ATP7A: variants seen among roughly 807,000 people sequenced by gnomAD.
ATP7A encodes the protein copper-transporting ATPase 1.
Under a neutral mutation model 83.5 loss-of-function variants are expected in ATP7A, and 7 were observed. The observed-to-expected ratio is 0.08, with a 90% confidence interval of 0.05 to 0.16. The LOEUF (loss-of-function observed/expected upper bound fraction) is 0.16. ATP7A is among the 10% of genes least tolerant of loss of function. The pLI is 1.00. For synonymous variants in ATP7A, 354 were observed against 395.2 expected (o/e 0.90, Z 1.24); for missense variants, 940 against 1,120.8 (o/e 0.84, Z 2.30).
chrX:78,004,839 C>T (rs940891146), intron 6 of ATP7A, among the ~76,000 whole-genome samples: 25 of 111,261 alleles, frequency 2.2e-4, no homozygotes, highest in Non-Finnish European at 1.5e-4. Flanking sequence ...GCCAAGACTG[C>T]GCCACTGCAC....
intron 1 of ATP7A, among the ~76,000 whole-genome samples, chrX:77,940,377 T>C (rs782806338): frequency 2.7e-5 from 3 of 111,400 alleles, no homozygotes; most frequent in African/African-American, 9.8e-5. Flanking sequence ...GTGGTAGCTT[T>C]TCAGGTAGAT....
At chrX:77,967,671 G>A (rs2077517272) in intron 1 of ATP7A, among the ~76,000 whole-genome samples, 1 of 111,695 alleles carries the variant, frequency 9.0e-6, no homozygotes, top group African/African-American at 3.3e-5. Context: ...TGGGTAGATT[G>A]CAAAATGTTT....
At chrX:78,000,936 A>G (rs1557233068) in intron 5 of ATP7A, among the ~76,000 whole-genome samples, 1 of 111,650 alleles carries the variant, frequency 9.0e-6, no homozygotes, top group Non-Finnish European at 1.9e-5. Flanking sequence ...AAGTGCTAGG[A>G]TTACAGGCAT....
At position 78,012,902 on chromosome X, in the gene ATP7A, C is replaced by T. The variant is rs2149095973; in HGVS notation, c.2196C>T (p.Tyr732=). ...AGTTTTTCGGAGGCTGGTACTTCTA[C>T]ATTCAGGCTTATAAAGCACTGAAGC... The part of the protein sequence containing the change: ...PVQFFGGWYF[Y]IQAYKALKHK... The change falls in exon 10 of 23, where the codon TAC becomes TAT. Residue 732 remains tyrosine, a synonymous_variant. Coordinates refer to ENST00000341514, the MANE Select transcript of ATP7A (RefSeq NM_000052.7). 2 of 1,211,156 alleles carry T rather than the reference C, an allele frequency of 1.7e-6. No individual in the cohort carries two copies. The highest frequency in any genetic ancestry group is 2.2e-6 in the Non-Finnish European group (2 of 894,951).
At chrX:77,944,154 T>C (rs1272286723) in intron 1 of ATP7A, among the ~76,000 whole-genome samples, 1 of 112,672 alleles carries the variant, frequency 8.9e-6, no homozygotes, top group Non-Finnish European at 1.9e-5. Flanking sequence ...TTTTAGTTTG[T>C]ATTTAAATTT....
chrX:77,960,462 G>A, intron 1 of ATP7A, among the ~76,000 whole-genome samples: 1 of 112,582 alleles, frequency 8.9e-6, no homozygotes. Flanking sequence ...CATGATTATT[G>A]AGAATACAGG....
chrX:77,966,776 A>AT (rs1421872298), intron 1 of ATP7A: 1 of 330,176 alleles, frequency 3.0e-6, no homozygotes, highest in Admixed American at 3.1e-5. Flanking sequence ...AAAAGGCTGA[A>AT]TTTTTTTCAT....
At chrX:77,999,274 G>A (rs2077724209) in intron 5 of ATP7A, among the ~76,000 whole-genome samples, 1 of 111,280 alleles carries the variant, frequency 9.0e-6, no homozygotes, top group African/African-American at 3.3e-5. Flanking sequence ...CAGGATTACA[G>A]GCGTGAGCCA....
chrX:77,969,029 C>A lies in ATP7A; in HGVS notation c.-21-2592C>A, dbSNP rs782479456. On this transcript the variant is annotated intron_variant, in intron 1 of 22. Coordinates refer to ENST00000341514, the MANE Select transcript of ATP7A (RefSeq NM_000052.7). ...GTCGGCAGGTTCAGCTCCATGATAG[C>A]CTCTTCAGAGAGACCCTCCACATGC... 28 of 1,210,141 alleles carry A rather than the reference C, an allele frequency of 2.3e-5. No homozygotes were observed. In the Middle Eastern group the frequency reaches 7.5e-4, roughly 32 times the overall value.
At chrX:77,932,198 G>A (rs1253022929) in intron 1 of ATP7A, among the ~76,000 whole-genome samples, 11 of 109,977 alleles carry the variant, frequency 1.0e-4, no homozygotes, top group Non-Finnish European at 1.7e-4. Context: ...TGGGGCGGCC[G>A]GGCAGAGACG....
intron 1 of ATP7A, 134 bp downstream of exon 1, chrX:77,910,969 C>T (rs2077156854): frequency 8.9e-6 from 1 of 111,806 alleles, no homozygotes; most frequent in African/African-American, 3.3e-5. Flanking sequence ...ATTCACAATT[C>T]AGGTATTAAC....
At chrX:77,996,290 ATTAT>A (rs1170536483) in intron 4 of ATP7A, among the ~76,000 whole-genome samples, 2 of 111,349 alleles carry the variant, frequency 1.8e-5, no homozygotes, top group African/African-American at 6.5e-5. Flanking sequence ...CCATTTTTAG[ATTAT>A]TTATGTATTC....
At chrX:77,976,113 C>T (rs2077575309) in intron 2 of ATP7A, among the ~76,000 whole-genome samples, 1 of 111,806 alleles carries the variant, frequency 8.9e-6, no homozygotes, top group Non-Finnish European at 1.9e-5. Flanking sequence ...GACATACTAC[C>T]AGGAGCAGAT....
At chrX:77,975,481 CTTTTTTTTTTT>C (rs5902757) in intron 2 of ATP7A, 2 of 54,799 alleles carry the variant, frequency 3.6e-5, no homozygotes, top group South Asian at 1.2e-3. Flanking sequence ...ATTATGCTTA[CTTTTTTTTTTT>C]TTTTTTTTTT....
intron 1 of ATP7A, among the ~76,000 whole-genome samples, chrX:77,943,892 A>G (rs187650410): frequency 2.7e-5 from 3 of 112,265 alleles, no homozygotes; most frequent in East Asian, 5.6e-4. Flanking sequence ...AGATATGCTT[A>G]TACCTATAAC....
chrX:78,002,799 T>C (rs1210839363), intron 5 of ATP7A, among the ~76,000 whole-genome samples: 1 of 87,120 alleles, frequency 1.1e-5, no homozygotes, highest in Non-Finnish European at 2.2e-5. Context: ...TATGTTCTTA[T>C]ACACACACAC....
chrX:77,918,552 GAGA>G (rs1376168616), intron 1 of ATP7A, among the ~76,000 whole-genome samples: 1 of 111,532 alleles, frequency 9.0e-6, no homozygotes, highest in Non-Finnish European at 1.9e-5. Flanking sequence ...TATAGTTCCT[GAGA>G]AGTAGTTGCT....
chrX:77,985,852 C>T (rs782531800), intron 2 of ATP7A, among the ~76,000 whole-genome samples: 19 of 111,224 alleles, frequency 1.7e-4, no homozygotes, highest in African/African-American at 6.2e-4. Context: ...CTGGAAACCA[C>T]TGTTCTGTTC....
intron 14 of ATP7A, among the ~76,000 whole-genome samples, chrX:78,024,408 A>G (rs1414745930): frequency 8.9e-6 from 1 of 111,951 alleles, no homozygotes; most frequent in African/African-American, 3.3e-5. Context: ...AGGGTTAGAC[A>G]TGGAGAGAAG....
Sources: gnomAD v4.1 joint callset for allele counts (sites outside exome capture counted in the v4.1 genomes callset) on GRCh38, gnomAD v4.1.1 for gene constraint, MANE v1.5 for transcripts, NCBI Gene and HGNC (gene_info 2026-07-23, HGNC 2026-07-21) for gene names.